AGBL1: variants seen among roughly 807,000 people sequenced by gnomAD.
AGBL1 encodes AGBL carboxypeptidase 1.
Under a neutral mutation model 118.9 loss-of-function variants are expected in AGBL1, and 130 were observed. The observed-to-expected ratio is 1.09, with a 90% CI of 0.95 to 1.26. AGBL1 has a LOEUF of 1.26. Ranked by LOEUF, AGBL1 falls within the 50% of genes most tolerant of loss-of-function variation. The probability of loss-of-function intolerance (pLI) is 0.00; values close to 1 mark genes in which losing one functional copy is unlikely to be tolerated. For synonymous variants in AGBL1, 555 were observed against 478.9 expected, an observed-to-expected ratio of 1.16 and a Z score of -2.08; for missense variants, 1,584 against 1,298.1, an observed-to-expected ratio of 1.22 and a Z score of -3.38.
At chr15:86,773,204 C>T (rs375368869) in intron 22 of AGBL1, among the ~76,000 whole-genome samples, 6 of 151,932 alleles carry the variant, frequency 3.9e-5, no homozygotes, top group Non-Finnish European at 7.4e-5. Context: ...CTTTGAGAAA[C>T]GAACTATCCA....
At chr15:86,181,548 A>G (rs1312830396) in intron 5 of AGBL1, among the ~76,000 whole-genome samples, 1 of 152,004 alleles carries the variant, frequency 6.6e-6, no homozygotes, top group African/African-American at 2.4e-5. Flanking sequence ...GGGATTATAA[A>G]GAAGAATGAG....
At chr15:86,161,347 T>C (rs2077264533) in intron 5 of AGBL1, among the ~76,000 whole-genome samples, 1 of 152,200 alleles carries the variant, frequency 6.6e-6, no homozygotes. Flanking sequence ...CATGCATTAC[T>C]TCCTTTGAGC....
intron 17 of AGBL1, among the ~76,000 whole-genome samples, chr15:86,297,284 T>C (rs2079660858): frequency 6.6e-6 from 1 of 152,220 alleles, no homozygotes; most frequent in Non-Finnish European, 1.5e-5. Flanking sequence ...CATTTTCTTT[T>C]TGTCACTTGC....
intron 22 of AGBL1, among the ~76,000 whole-genome samples, chr15:86,723,076 C>T (rs544763979): frequency 6.6e-6 from 1 of 152,302 alleles, no homozygotes; most frequent in South Asian, 2.1e-4. Flanking sequence ...CTAGTTCAAC[C>T]ATTGTGGAAG....
chr15:86,185,163 C>T (rs2077611162), intron 5 of AGBL1, among the ~76,000 whole-genome samples: 1 of 152,186 alleles, frequency 6.6e-6, no homozygotes, highest in South Asian at 2.1e-4. Context: ...AAATGCTCAT[C>T]ATCACTGGCC....
At chr15:86,511,545 G>C (rs1020109249) in intron 18 of AGBL1, among the ~76,000 whole-genome samples, 1 of 152,008 alleles carries the variant, frequency 6.6e-6, no homozygotes, top group Non-Finnish European at 1.5e-5. Context: ...GGCTACTCTA[G>C]CTGTGTGACC....
chr15:86,342,638 C>T (rs1268416666), intron 17 of AGBL1, among the ~76,000 whole-genome samples: 1 of 152,092 alleles, frequency 6.6e-6, no homozygotes, highest in Non-Finnish European at 1.5e-5. Flanking sequence ...ACTTCAGGGT[C>T]AGAAAGACCT....
intron 6 of AGBL1, among the ~76,000 whole-genome samples, chr15:86,237,045 C>T (rs935795684): frequency 8.7e-5 from 13 of 149,894 alleles, no homozygotes; most frequent in African/African-American, 2.9e-4. Flanking sequence ...TTTTTAATGG[C>T]CCACATTTGC....
intron 17 of AGBL1, among the ~76,000 whole-genome samples, chr15:86,357,177 C>T (rs949290150): frequency 1.3e-5 from 2 of 152,124 alleles, no homozygotes; most frequent in Non-Finnish European, 2.9e-5. Flanking sequence ...ACTTAAATCC[C>T]TGTGGTCCTA....
intron 23 of AGBL1, among the ~76,000 whole-genome samples, chr15:86,928,485 TA>T (rs527314055): frequency 6.6e-6 from 1 of 152,196 alleles, no homozygotes; most frequent in Non-Finnish European, 1.5e-5. Flanking sequence ...ACTGGTGAGC[TA>T]ATATGGACTG....
At chr15:86,758,707 C>T (rs139619743) in intron 22 of AGBL1, among the ~76,000 whole-genome samples, 7 of 151,974 alleles carry the variant, frequency 4.6e-5, no homozygotes, top group East Asian at 1.9e-4. Flanking sequence ...TGTGGTGGCT[C>T]GTACCCAAAA....
intron 21 of AGBL1, among the ~76,000 whole-genome samples, chr15:86,558,274 G>C (rs2083763897): frequency 6.6e-6 from 1 of 152,088 alleles, no homozygotes; most frequent in Non-Finnish European, 1.5e-5. Flanking sequence ...CTATAACCAG[G>C]AATTGCTTGT....
At chr15:86,821,378 G>A (rs1207812330) in intron 22 of AGBL1, among the ~76,000 whole-genome samples, 1 of 152,042 alleles carries the variant, frequency 6.6e-6, no homozygotes, top group Non-Finnish European at 1.5e-5. Context: ...ATCTTAGGGA[G>A]AATAACATTG....
At chr15:86,416,711 G>A (rs570894086) in intron 18 of AGBL1, among the ~76,000 whole-genome samples, 1 of 152,240 alleles carries the variant, frequency 6.6e-6, no homozygotes, top group Admixed American at 6.5e-5. Context: ...CATCTGAAAA[G>A]CAATTGTTCT....
At chr15:86,576,406 A>T (rs923509789) in intron 21 of AGBL1, among the ~76,000 whole-genome samples, 1 of 152,108 alleles carries the variant, frequency 6.6e-6, no homozygotes, top group Admixed American at 6.5e-5. Context: ...GAAAAAGGAG[A>T]TGTACAGAAA....
intron 23 of AGBL1, among the ~76,000 whole-genome samples, chr15:86,980,451 T>C (rs62034308): frequency 0.17 from 26,061 of 152,208 alleles, 2,263 homozygotes; most frequent in Non-Finnish European, 0.18. Context: ...AATTCATCAG[T>C]GGAAAATGGC....
At chr15:86,282,311 T>C (rs2079367888) in intron 16 of AGBL1, among the ~76,000 whole-genome samples, 1 of 152,144 alleles carries the variant, frequency 6.6e-6, no homozygotes, top group South Asian at 2.1e-4. Flanking sequence ...TAATTGATGC[T>C]TATTGGCTTG....
chr15:86,440,040 A>G (rs1400368924), intron 18 of AGBL1, among the ~76,000 whole-genome samples: 2 of 152,234 alleles, frequency 1.3e-5, no homozygotes, highest in African/African-American at 4.8e-5. Context: ...TATTAATAAC[A>G]GCATTAAGAA....
intron 17 of AGBL1, among the ~76,000 whole-genome samples, chr15:86,309,560 A>G (rs1422281831): frequency 6.6e-6 from 1 of 152,092 alleles, no homozygotes; most frequent in African/African-American, 2.4e-5. Flanking sequence ...TTTGGCCTTT[A>G]TCATGTTGCA....
Sources: allele counts gnomAD v4.1 joint callset (sites outside exome capture counted in the v4.1 genomes callset), GRCh38; gene constraint gnomAD v4.1.1; transcripts MANE v1.5; gene names NCBI Gene and HGNC (gene_info 2026-07-23, HGNC 2026-07-21).